The following SLC5A10 variants were observed in gnomAD, a reference collection of about 807,000 sequenced individuals.
SLC5A10 encodes the protein sodium/mannose cotransporter SLC5A10.
A neutral mutation model predicts 68.9 loss-of-function variants in SLC5A10; 55 were observed. The ratio of observed to expected loss-of-function variants is 0.80; its 90% CI spans 0.64 to 1.00. The LOEUF is 1.00. SLC5A10 is among the 50% of genes least tolerant of loss of function. SLC5A10 has a pLI of 0.00. For synonymous variants in SLC5A10, 344 were observed against 344.8 expected (o/e 1.00, Z 0.02); for missense variants, 732 against 819.3 (o/e 0.89, Z 1.30).
chr17:18,981,276 C>T lies in SLC5A10; in HGVS notation c.982+4287C>T, dbSNP rs142760836. 3.5e-3 allele frequency among the ~76,000 whole-genome samples: 526 copies of T among 151,850 alleles called. 2 individuals carry two copies. The highest frequency in any genetic ancestry group is 4.2e-3 in the Non-Finnish European group (287 of 67,958). ...GGGGAAGCATTCCAGGGAAGGGACT[C>T]AAAGACCAGGCATGAGAGGCCTTTG... On this transcript the variant is annotated intron_variant, in intron 9 of 14. Transcript: ENST00000395645.
rs1487325922 is a variant in SLC5A10 at position 18,968,627 on chromosome 17, C to T, written c.454-425C>T. Among the ~76,000 whole-genome samples the T allele has an allele frequency of 7.3e-6, 1 of 136,408 alleles. No homozygotes were observed. The highest frequency in any genetic ancestry group is 1.5e-5 in the Non-Finnish European group (1 of 67,910). 89.5% of individuals were successfully genotyped at this position (136,408 alleles called of 152,430 possible). The stretch of plus-strand genomic sequence containing the variant: ...TGTTTCCTGGTCCGCCCAGCACACA[C>T]TTTTCCTGAGGCCTACTGGTCCGCC... On this transcript the variant is annotated intron_variant, in intron 5 of 14. Transcript: ENST00000395645. This position sits in a 1 kb window ranked among gnomAD's most constrained non-coding sequence, Gnocchi z 4.1.
Position 18,971,132 on chromosome 17 carries a change from C to G in SLC5A10, c.760C>G (p.Arg254Gly). 6.2e-7 allele frequency: 1 copy of G among 1,614,094 alleles called. No homozygotes were observed. Among genetic ancestry groups the G allele is most frequent in the Non-Finnish European group, 8.5e-7 (1 of 1,180,032 alleles). ...LPRTDAMHMF[R>G]DPHTGDLPWT... ...ACGTACAGACGCCATGCACATGTTT[C>G]GAGACCCCCACACAGGGGACCTGCC... Residue 254 changes from arginine to glycine, a missense_variant, in exon 8 of 15, where the codon CGA becomes GGA. By Grantham distance (125) the Arg-to-Gly change is moderately radical. Transcript: ENST00000395645. This position sits in a 1 kb window ranked among gnomAD's most constrained non-coding sequence, Gnocchi z 5.5.
Position 18,971,378 on chromosome 17 carries a change from CG to C in SLC5A10, c.846+166del, listed in dbSNP as rs759298716. 6.2e-7 allele frequency: 1 copy of C among 1,600,136 alleles called. No individual in the cohort carries two copies. Among genetic ancestry groups the C allele is most frequent in the Non-Finnish European group, 8.5e-7 (1 of 1,175,418 alleles). ...ATGCTGCTAGGGGTCTTTGCGGTCC[CG>C]GGGGGCTTGAGCCCTCCGTTTAGAA... On this transcript the variant is annotated intron_variant, in intron 8 of 14. Coordinates refer to ENST00000395645, the MANE Select transcript of SLC5A10 (RefSeq NM_001042450.4). The surrounding 1 kb of genome is among the most constrained non-coding windows in gnomAD (Gnocchi z 5.5).
chr17:19,008,819 T>A (rs143245299), intron 9 of SLC5A10, among the ~76,000 whole-genome samples: 10,078 of 139,070 alleles, frequency 0.072, 524 homozygotes, highest in African/African-American at 0.19. Flanking sequence ...TATTATTTTT[T>A]TTTTTTTTTT....
intron 2 of SLC5A10, 110 bp downstream of exon 2, chr17:18,958,863 G>T (rs2042557927): frequency 1.5e-6 from 2 of 1,322,052 alleles, no homozygotes. Flanking sequence ...CAGTGGAGCA[G>T]GCCGGAGGCT....
rs1472566826 is a variant in SLC5A10 at position 19,015,172 on chromosome 17, G to C, written c.1214G>C (p.Gly405Ala). The change falls in exon 11 of 15, where the codon GGC (glycine) becomes GCC (alanine). Residue 405 changes from glycine (G) to alanine (A), a missense_variant. Gly to Ala is a moderately conservative substitution (Grantham distance 60). Coordinates refer to ENST00000395645, the MANE Select transcript of SLC5A10 (RefSeq NM_001042450.4). ...TGGAGGCGGCTGCGTCCCCGCTCCG[G>C]CGAGCGGGAGCTCCTGCTGGTGGGA... ...DIWRRLRPRS[G>A]ERELLLVGRL... 3 of 1,587,632 alleles carry C rather than the reference G, an allele frequency of 1.9e-6. No individual in the cohort carries two copies. Among genetic ancestry groups the C allele is most frequent in the Non-Finnish European group, 2.6e-6 (3 of 1,163,982 alleles).
chr17:18,983,941 G>A (rs1321219230), intron 9 of SLC5A10, among the ~76,000 whole-genome samples: 2 of 152,218 alleles, frequency 1.3e-5, no homozygotes, highest in Non-Finnish European at 2.9e-5. Context: ...CCCCGGCAGT[G>A]TAGGATGTTT....
intron 1 of SLC5A10, among the ~76,000 whole-genome samples, chr17:18,955,578 A>G (rs2042481599): frequency 6.6e-6 from 1 of 152,232 alleles, no homozygotes; most frequent in Non-Finnish European, 1.5e-5. Context: ...GAAAGATGAG[A>G]AGGGTTAGGA....
At chr17:18,977,455 C>A in intron 9 of SLC5A10, 1 of 948,930 alleles carries the variant, frequency 1.1e-6, no homozygotes, top group Non-Finnish European at 1.6e-6. Flanking sequence ...TCAAGTTTCC[C>A]CATCTGTAAC....
At chr17:18,955,960 C>T (rs1597810183) in intron 1 of SLC5A10, among the ~76,000 whole-genome samples, 2 of 152,046 alleles carry the variant, frequency 1.3e-5, no homozygotes, top group East Asian at 3.9e-4. Flanking sequence ...TTTGGGAGGC[C>T]GAGGTGGGCA....
In SLC5A10 at chr17:19,003,208, C is replaced by T. The variant is rs1010641681; in HGVS notation, c.983-10202C>T. Among the ~76,000 whole-genome samples the T allele has an allele frequency of 2.0e-5, 3 of 150,608 alleles. No homozygotes were observed. Among genetic ancestry groups the T allele is most frequent in the African/African-American group, 7.3e-5 (3 of 40,912 alleles). ...AGTGAGAGGAAGCCCTGGGGTTCCTCCCCTCCCCACTCCACCCTATCTCGG... is the reference window on the plus strand; with the variant it reads ...AGTGAGAGGAAGCCCTGGGGTTCCTTCCCTCCCCACTCCACCCTATCTCGG... On this transcript the variant is annotated intron_variant, in intron 9 of 14. Coordinates refer to ENST00000395645, the MANE Select transcript of SLC5A10 (RefSeq NM_001042450.4). The surrounding 1 kb of genome is among the most constrained non-coding windows in gnomAD (Gnocchi z 4.5).
At position 19,011,685 on chromosome 17, in the gene SLC5A10, C is replaced by T. The variant is rs568658218; in HGVS notation, c.983-1725C>T. The stretch of plus-strand genomic sequence containing the variant: ...AGCCTGGGGGGCTAATGGGAGGAGC[C>T]AGGGAGGTGCCTGGGGGATGACAGG... On this transcript the variant is annotated intron_variant, in intron 9 of 14. Coordinates refer to ENST00000395645, the MANE Select transcript of SLC5A10 (RefSeq NM_001042450.4). 8.6e-5 allele frequency among the ~76,000 whole-genome samples: 13 copies of T among 151,860 alleles called. No homozygotes were observed. In the East Asian group the frequency reaches 1.6e-3, roughly 18 times the overall value.
chr17:18,988,349 G>A, intron 9 of SLC5A10: 1 of 1,614,242 alleles, frequency 6.2e-7, no homozygotes, highest in Non-Finnish European at 8.5e-7. Flanking sequence ...TCCTCTTGAA[G>A]CCGGCGTCCA....
chr17:19,013,694 C>A (rs1295797166), intron 10 of SLC5A10, among the ~76,000 whole-genome samples, 177 bp downstream of exon 10: 1 of 150,084 alleles, frequency 6.7e-6, no homozygotes, highest in Non-Finnish European at 1.5e-5. Flanking sequence ...ATCTACCCAC[C>A]CCTCAGCGTT....
chr17:19,017,467 G>T lies in SLC5A10; in HGVS notation c.1242-1956G>T. 7.2e-7 allele frequency: 1 copy of T among 1,381,882 alleles called. No homozygotes were observed. The highest frequency in any genetic ancestry group is 1.0e-6 in the Non-Finnish European group (1 of 994,550). The allele number at this position is 1,381,882 out of a possible 1,614,324, so 85.6% of individuals were successfully genotyped here. A position where few individuals can be genotyped will look rare whatever the true frequency, so the allele number is the denominator to read the frequency against. On this transcript the variant is annotated intron_variant, in intron 11 of 14. Coordinates refer to ENST00000395645, the MANE Select transcript of SLC5A10 (RefSeq NM_001042450.4). The surrounding 1 kb of genome is among the most constrained non-coding windows in gnomAD (Gnocchi z 5.6). ...TTACAGAGAGAAGACCAACAGCCCA[G>T]AGGCCTGGAGAGGAGGCCATCGCAG...
intron 1 of SLC5A10, among the ~76,000 whole-genome samples, chr17:18,954,994 G>A (rs1442616526): frequency 6.6e-6 from 1 of 151,130 alleles, no homozygotes; most frequent in East Asian, 1.9e-4. Flanking sequence ...GCTGAGGCAG[G>A]AGAATTGCTT....
At chr17:18,963,276 A>G (rs1418066721) in intron 5 of SLC5A10, among the ~76,000 whole-genome samples, 2 of 152,256 alleles carry the variant, frequency 1.3e-5, no homozygotes, top group African/African-American at 4.8e-5. Flanking sequence ...ACTGAGGTCC[A>G]GGTCACAGCG....
chr17:19,017,400 G>A lies in SLC5A10; in HGVS notation c.1242-2023G>A. 6.4e-7 allele frequency: 1 copy of A among 1,550,420 alleles called. No individual in the cohort carries two copies. Among genetic ancestry groups the A allele is most frequent in the Non-Finnish European group, 8.7e-7 (1 of 1,145,780 alleles). Reference sequence around the variant, plus strand: ...CTCGTGGTCATGGATCTCTGGTAGGGTGAATGGCCTGACAACAGTCTCTGT... The same window carrying A: ...CTCGTGGTCATGGATCTCTGGTAGGATGAATGGCCTGACAACAGTCTCTGT... On this transcript the variant is annotated intron_variant, in intron 11 of 14. Transcript: ENST00000395645. This position sits in a 1 kb window ranked among gnomAD's most constrained non-coding sequence, Gnocchi z 5.6.
intron 9 of SLC5A10, among the ~76,000 whole-genome samples, chr17:19,010,814 C>T (rs118029327): frequency 0.022 from 3,385 of 152,286 alleles, 51 homozygotes; most frequent in Middle Eastern, 0.041. Flanking sequence ...ATGGGGCCCC[C>T]GGCTCTGTCT....
Sources: gnomAD v4.1 joint callset for allele counts (sites outside exome capture counted in the v4.1 genomes callset) on GRCh38, gnomAD v4.1.1 for gene constraint, Gnocchi (gnomAD v3.1) non-coding constraint, MANE v1.5 for transcripts, NCBI Gene and HGNC (gene_info 2026-07-23, HGNC 2026-07-21) for gene names.